USP9X: variants seen among roughly 807,000 people sequenced by gnomAD.
USP9X encodes ubiquitin specific peptidase 9 X-linked.
A neutral mutation model predicts 190.3 loss-of-function variants in USP9X; 7 were observed. The ratio of observed to expected loss-of-function variants is 0.04; its 90% confidence interval spans 0.02 to 0.07. The LOEUF is 0.07. Among genes scored for constraint, USP9X ranks in the 10% least tolerant of loss-of-function variants. The pLI, the probability that USP9X is intolerant of heterozygous loss-of-function variation, is 1.00. For missense variants in USP9X, 1,010 were observed against 1,916.9 expected (o/e 0.53, Z 8.83); for synonymous variants, 645 against 659.5 (o/e 0.98, Z 0.34).
intron 1 of USP9X, among the ~76,000 whole-genome samples, chrX:41,121,706 T>C (rs1382591978): frequency 9.0e-6 from 1 of 111,310 alleles, no homozygotes; most frequent in Non-Finnish European, 1.9e-5. Context: ...TTAGAGTCAT[T>C]CACTGGGGGA....
chrX:41,197,112 A>G (rs1372527183), intron 28 of USP9X, among the ~76,000 whole-genome samples: 4 of 112,441 alleles, frequency 3.6e-5, no homozygotes, highest in Non-Finnish European at 7.5e-5. Context: ...AGGCAAAATG[A>G]TACAAGAATT....
chrX:41,196,022 T>C (rs1330669785), intron 26 of USP9X: 6 of 492,787 alleles, frequency 1.2e-5, no homozygotes, highest in Non-Finnish European at 2.2e-5. Flanking sequence ...TCCCTCAAAC[T>C]CTTAGTGTCA....
At chrX:41,141,935 A>G (rs991844481) in intron 9 of USP9X, among the ~76,000 whole-genome samples, 2 of 112,041 alleles carry the variant, frequency 1.8e-5, no homozygotes, top group South Asian at 7.3e-4. Context: ...TTTATGTACC[A>G]TAGCTATTTT....
In USP9X at chrX:41,197,352, C is replaced by CCCCCGAGG; in HGVS notation, c.4234-12_4234-11insCCCCGAGG. The CCCCCGAGG allele has an allele frequency of 2.0e-6, 2 of 988,225 alleles. No individual in the cohort carries two copies. Among genetic ancestry groups the CCCCCGAGG allele is most frequent in the Non-Finnish European group, 2.6e-6 (2 of 759,392 alleles). 81.4% of individuals were successfully genotyped at this position (988,225 alleles called of 1,213,427 possible). A position where few individuals can be genotyped will look rare whatever the true frequency, so the allele number is the denominator to read the frequency against. On this transcript the variant is annotated splice_polypyrimidine_tract_variant and intron_variant, in intron 28 of 44. Coordinates refer to ENST00000378308, the MANE Select transcript of USP9X (RefSeq NM_001039591.3). ...TTCTTCCCCCCCCCACCCCACCCCC[C>CCCCCGAGG]GCCTTTGGCAGGATGATGTTAAAAG...
At chrX:41,143,096 G>A (rs779163102) in intron 9 of USP9X, among the ~76,000 whole-genome samples, 195 bp from the exon 10 acceptor site, 12 of 111,082 alleles carry the variant, frequency 1.1e-4, no homozygotes, top group Non-Finnish European at 1.7e-4. Flanking sequence ...TTATTTATGG[G>A]AGCATTTCTG....
chrX:41,176,167 T>C (rs1163748550), intron 21 of USP9X, among the ~76,000 whole-genome samples: 1 of 111,615 alleles, frequency 9.0e-6, no homozygotes, highest in Non-Finnish European at 1.9e-5. Context: ...GCAGAAGGAC[T>C]CTTGTCTCTG....
rs1172265284 is a variant in USP9X at position 41,126,186 on chromosome X, C to CG, written c.96+2467dup. Reference sequence around the variant, plus strand: ...TGCCATTTTAGAGAAGTGAACAAGTCGGGGGTTTTTTCTCCCCCAAATAAA... The same window carrying CG: ...TGCCATTTTAGAGAAGTGAACAAGTCGGGGGGTTTTTTCTCCCCCAAATAAA... On this transcript the variant is annotated intron_variant, in intron 2 of 44. Coordinates refer to ENST00000378308, the MANE Select transcript of USP9X (RefSeq NM_001039591.3). Among the ~76,000 whole-genome samples the CG allele has an allele frequency of 8.1e-5, 9 of 111,612 alleles. No homozygotes were observed. In the Admixed American group the frequency reaches 8.6e-4, roughly 11 times the overall value.
chrX:41,096,465 C>CA (rs949538615), intron 1 of USP9X, among the ~76,000 whole-genome samples: 1 of 111,672 alleles, frequency 9.0e-6, no homozygotes, highest in African/African-American at 3.3e-5. Flanking sequence ...TTTTTTGAGA[C>CA]AGAGTCTCGC....
In USP9X at chrX:41,186,552, A is replaced by G; in HGVS notation, c.3594A>G (p.Leu1198=). Residue 1198 remains leucine (L), a synonymous_variant, in exon 24 of 45, where the codon CTA becomes CTG. Coordinates refer to ENST00000378308, the MANE Select transcript of USP9X (RefSeq NM_001039591.3). ...NQVTHDQAVV[L]QSALQSIPNP... ...TTACCCATGATCAAGCAGTGGTGCT[A>G]CAAAGTGCCCTTCAGAGCATTCCTA... The G allele has an allele frequency of 2.5e-6, 3 of 1,211,541 alleles. No individual in the cohort carries two copies. Among genetic ancestry groups the G allele is most frequent in the East Asian group, 3.0e-5 (1 of 33,825 alleles).
chrX:41,152,552 A>G (rs1424563192), intron 13 of USP9X, among the ~76,000 whole-genome samples: 1 of 111,709 alleles, frequency 9.0e-6, no homozygotes, highest in Non-Finnish European at 1.9e-5. Flanking sequence ...TGCTAAGAGC[A>G]TTTTCTTTGA....
intron 10 of USP9X, 59 bp downstream of exon 10, chrX:41,143,502 GA>G: frequency 9.8e-7 from 1 of 1,023,382 alleles, no homozygotes; most frequent in Non-Finnish European, 1.3e-6. Flanking sequence ...AAAAACTGAA[GA>G]AATACAGTAG....
At chrX:41,113,148 A>G (rs1038180005) in intron 1 of USP9X, among the ~76,000 whole-genome samples, 4 of 112,558 alleles carry the variant, frequency 3.6e-5, no homozygotes, top group African/African-American at 1.3e-4. Context: ...TAGCAACAGC[A>G]TGTTCAATTT....
At chrX:41,125,680 A>ACCCTCTCTCT (rs1270231301) in intron 2 of USP9X, among the ~76,000 whole-genome samples, 1 of 26,656 alleles carries the variant, frequency 3.8e-5, no homozygotes, top group Admixed American at 6.7e-4. Flanking sequence ...ACACACACAC[A>ACCCTCTCTCT]CACACTCTCT....
intron 33 of USP9X, among the ~76,000 whole-genome samples, chrX:41,211,919 T>C (rs1249517980): frequency 1.8e-5 from 2 of 109,779 alleles, no homozygotes; most frequent in African/African-American, 3.3e-5. Flanking sequence ...TACTGGGAAG[T>C]GAGGAGCCCC....
At chrX:41,160,529 G>T (rs1267688734) in intron 14 of USP9X, among the ~76,000 whole-genome samples, 1 of 111,096 alleles carries the variant, frequency 9.0e-6, no homozygotes, top group Non-Finnish European at 1.9e-5. Flanking sequence ...AAGGGAGGTG[G>T]GTTGTTAGCT....
At chrX:41,147,275 A>G (rs2062474746) in intron 11 of USP9X, among the ~76,000 whole-genome samples, 1 of 108,532 alleles carries the variant, frequency 9.2e-6, no homozygotes, top group Non-Finnish European at 1.9e-5. Flanking sequence ...AATGTTAGCT[A>G]GAGGTTTTTA....
chrX:41,197,808 G>A (rs187451674), intron 29 of USP9X, among the ~76,000 whole-genome samples: 2 of 109,231 alleles, frequency 1.8e-5, no homozygotes, highest in Non-Finnish European at 3.8e-5. Flanking sequence ...CCCAAGAGTT[G>A]AAGACCAGCC....
rs751692577 is a variant in USP9X, at chrX:41,160,809, T to C, written c.1898-1981T>C. ...ATGATTAATTCTGCAGATTAAAGAA[T>C]AGAAAGTCATGAAAACCAAATGCAA... On this transcript the variant is annotated intron_variant, in intron 14 of 44. Coordinates refer to ENST00000378308, the MANE Select transcript of USP9X (RefSeq NM_001039591.3). 1.5e-4 allele frequency among the ~76,000 whole-genome samples: 17 copies of C among 112,194 alleles called. No homozygotes were observed. The East Asian group carries it at 4.4e-3, about 29-fold the overall frequency.
Position 41,214,571 on chromosome X carries a change from C to T in USP9X, c.5193C>T (p.Tyr1731=), listed in dbSNP as rs2063195224. 6 of 1,160,354 alleles carry T rather than the reference C, an allele frequency of 5.2e-6. No homozygotes were observed. The highest frequency in any genetic ancestry group is 1.9e-5 in the African/African-American group (1 of 54,046). Residue 1731 remains tyrosine, a synonymous_variant, in exon 34 of 45, where the codon TAC becomes TAT. Coordinates refer to ENST00000378308, the MANE Select transcript of USP9X (RefSeq NM_001039591.3). ...CCTTTTTTTAAATCGTTTTTAGGTACGAATGTGAAGAATCTTTTACGACCC... is the reference window on the plus strand; with the variant it reads ...CCTTTTTTTAAATCGTTTTTAGGTATGAATGTGAAGAATCTTTTACGACCC... ...QKICQGCPHR[Y]ECEESFTTLN...
Sources: gnomAD v4.1 joint callset for allele counts (sites outside exome capture counted in the v4.1 genomes callset) on GRCh38, gnomAD v4.1.1 for gene constraint, MANE v1.5 for transcripts, NCBI Gene and HGNC (gene_info 2026-07-23, HGNC 2026-07-21) for gene names.